The following SLC22A9 variants were observed in gnomAD, a reference collection of about 807,000 sequenced individuals.
SLC22A9 encodes organic anion transporter 7.
SLC22A9 carries 64 observed loss-of-function variants against 50.1 expected under a neutral mutation model. The observed-to-expected ratio is 1.28, with a 90% CI of 1.04 to 1.57. The LOEUF (loss-of-function observed/expected upper bound fraction) is 1.57, where lower values mean the gene tolerates loss of function less well. Ranked by LOEUF, SLC22A9 falls within the 40% of genes most tolerant of loss-of-function variation. The probability of loss-of-function intolerance (pLI) is 0.00; values close to 1 mark genes in which losing one functional copy is unlikely to be tolerated. For synonymous variants in SLC22A9, 261 were observed against 242.5 expected (o/e 1.08, Z -0.71); for missense variants, 757 against 676.1 (o/e 1.12, Z -1.33).
chr11:63,377,230 C>G (rs1261273966), intron 5 of SLC22A9, among the ~76,000 whole-genome samples: 1 of 152,056 alleles, frequency 6.6e-6, no homozygotes, highest in Non-Finnish European at 1.5e-5. Context: ...CTCCACCCAA[C>G]AACAGCAGAA....
chr11:63,405,480 A>G (rs989810819), intron 6 of SLC22A9, among the ~76,000 whole-genome samples: 3 of 152,144 alleles, frequency 2.0e-5, no homozygotes, highest in African/African-American at 7.2e-5. Context: ...CGTAATAAAA[A>G]CTATTGACTC....
chr11:63,404,073 T>C (rs1040534981), intron 6 of SLC22A9, among the ~76,000 whole-genome samples: 10 of 152,106 alleles, frequency 6.6e-5, no homozygotes, highest in African/African-American at 2.4e-5. Flanking sequence ...TTATTCACAA[T>C]TGCCAAGATA....
intron 2 of SLC22A9, among the ~76,000 whole-genome samples, chr11:63,373,133 T>TC (rs1284497292): frequency 6.9e-5 from 7 of 101,616 alleles, no homozygotes; most frequent in Non-Finnish European, 9.5e-5. Flanking sequence ...CTTTTTTTTT[T>TC]TCTTTTTTTT....
Position 63,410,238 on chromosome 11 carries a change from C to CAAAAAAAAAAAAAAAAAAAAAA in SLC22A9, c.*377_*398dup, listed in dbSNP as rs750361059. ...GCCTGGTGACAGAGCGAGACTGTCT[C>CAAAAAAAAAAAAAAAAAAAAAA]AAAAAAAAAAAAAAAAAAAAAAGAA... On this transcript the variant is annotated 3_prime_UTR_variant, in exon 10 of 10. Coordinates refer to ENST00000279178, the MANE Select transcript of SLC22A9 (RefSeq NM_080866.3). 24 of 34,370 alleles carry CAAAAAAAAAAAAAAAAAAAAAA rather than the reference C, an allele frequency of 7.0e-4. No homozygotes were observed. Among genetic ancestry groups the CAAAAAAAAAAAAAAAAAAAAAA allele is most frequent in the Non-Finnish European group, 9.9e-4 (19 of 19,236 alleles). 2.1% of individuals were successfully genotyped at this position (34,370 alleles called of 1,614,324 possible). A position where few individuals can be genotyped will look rare whatever the true frequency, so the allele number is the denominator to read the frequency against.
intron 6 of SLC22A9, among the ~76,000 whole-genome samples, chr11:63,385,114 T>G (rs1160571693): frequency 4.3e-5 from 6 of 139,384 alleles, no homozygotes; most frequent in East Asian, 3.9e-4. Context: ...CAGTTTTTTT[T>G]TTTTTTTTTT....
chr11:63,398,088 T>A (rs895006543), intron 6 of SLC22A9, among the ~76,000 whole-genome samples: 2 of 152,174 alleles, frequency 1.3e-5, no homozygotes, highest in Non-Finnish European at 2.9e-5. Flanking sequence ...CAAGGTTTTT[T>A]AGTCAGCAGG....
In SLC22A9 at chr11:63,371,164, G is replaced by A; in HGVS notation, c.432G>A (p.Leu144=). 2 of 1,613,340 alleles carry A rather than the reference G, an allele frequency of 1.2e-6. No homozygotes were observed. The highest frequency in any genetic ancestry group is 1.7e-6 in the Non-Finnish European group (2 of 1,179,506). Residue 144 remains leucine (L), a synonymous_variant, in exon 2 of 10, where the codon CTG becomes CTA. Coordinates refer to ENST00000279178, the MANE Select transcript of SLC22A9 (RefSeq NM_080866.3). ...EWDLVCDSQS[L]TSVAKFVFMA... ...ATCTGGTATGTGACTCTCAATCACT[G>A]ACTTCAGTGGCTAAATTTGTATTCA...
chr11:63,375,886 C>T, intron 5 of SLC22A9, 118 bp downstream of exon 5: 2 of 1,264,956 alleles, frequency 1.6e-6, no homozygotes, highest in East Asian at 2.5e-5. Context: ...TGGTTATGGG[C>T]TGTATCACCT....
At chr11:63,406,782 C>T (rs2015048467) in intron 7 of SLC22A9, 71 bp downstream of exon 7, 1 of 1,471,414 alleles carries the variant, frequency 6.8e-7, no homozygotes, top group Non-Finnish European at 9.2e-7. Flanking sequence ...CTTGTCACAC[C>T]TATCTGAAGC....
At position 63,408,177 on chromosome 11, in the gene SLC22A9, C is replaced by G. The variant is rs779579172; in HGVS notation, c.1354C>G (p.Leu452Val). The change falls in exon 8 of 10, where the codon CTT becomes GTT. Residue 452 changes from leucine (L) to valine (V), a missense_variant. Transcript: ENST00000279178. ...GLGASALANT[L>V]AFAHGNEVIP... ...AGGAGCGTCTGCTCTTGCCAATACC[C>G]TTGCTTTTGCCCATGGAAATGAAGT... 11 of 1,613,616 alleles carry G rather than the reference C, an allele frequency of 6.8e-6. No homozygotes were observed. Among genetic ancestry groups the G allele is most frequent in the African/African-American group, 1.3e-5 (1 of 74,904 alleles).
intron 6 of SLC22A9, among the ~76,000 whole-genome samples, chr11:63,383,010 C>A (rs552912660): frequency 2.0e-5 from 3 of 152,230 alleles, no homozygotes; most frequent in Admixed American, 2.0e-4. Context: ...CACATCTGGG[C>A]CTTTTGACAC....
chr11:63,374,012 C>T lies in SLC22A9; in HGVS notation c.780C>T (p.Ile260=), dbSNP rs775100570. 1 of 1,613,528 alleles carries T rather than the reference C, an allele frequency of 6.2e-7. No homozygotes were observed. The highest frequency in any genetic ancestry group is 2.2e-5 in the East Asian group (1 of 44,862). ...GLAFAIRDWH[I]LQLVVSVPYF... is the part of the protein sequence containing the mutation. Reference sequence around the variant, plus strand: ...CTTTTGCCATTCGAGACTGGCATATCCTCCAGCTGGTGGTGTCTGTACCAT... The same window carrying T: ...CTTTTGCCATTCGAGACTGGCATATTCTCCAGCTGGTGGTGTCTGTACCAT... The change falls in exon 4 of 10, where the codon ATC becomes ATT. Residue 260 remains isoleucine, a synonymous_variant. Coordinates refer to ENST00000279178, the MANE Select transcript of SLC22A9 (RefSeq NM_080866.3).
At chr11:63,383,622 T>A (rs1434743918) in intron 6 of SLC22A9, among the ~76,000 whole-genome samples, 1 of 151,706 alleles carries the variant, frequency 6.6e-6, no homozygotes, top group Admixed American at 6.6e-5. Flanking sequence ...TCAAAGAACA[T>A]GAAGAAACAG....
chr11:63,409,983 G>C lies in SLC22A9; in HGVS notation c.*121G>C. 1 of 1,072,770 alleles carries C rather than the reference G, an allele frequency of 9.3e-7. No homozygotes were observed. The highest frequency in any genetic ancestry group is 1.4e-6 in the Non-Finnish European group (1 of 731,520). 66.5% of individuals were successfully genotyped at this position (1,072,770 alleles called of 1,614,324 possible). A position where few individuals can be genotyped will look rare whatever the true frequency, so the allele number is the denominator to read the frequency against. On this transcript the variant is annotated 3_prime_UTR_variant, in exon 10 of 10. Coordinates refer to ENST00000279178, the MANE Select transcript of SLC22A9 (RefSeq NM_080866.3). ...AGGCTGGGTGCGGTGGCTCACGCCT[G>C]TAATCCCAGCACCTTGGGAGGCTGA...
chr11:63,395,488 C>A (rs1344162681), intron 6 of SLC22A9, among the ~76,000 whole-genome samples: 1 of 152,118 alleles, frequency 6.6e-6, no homozygotes, highest in African/African-American at 2.4e-5. Flanking sequence ...TGTTATCTTG[C>A]TTCTGGATCT....
chr11:63,398,970 T>C (rs2014908103), intron 6 of SLC22A9, among the ~76,000 whole-genome samples: 1 of 152,210 alleles, frequency 6.6e-6, no homozygotes. Context: ...TGCATCCTTA[T>C]TAAGGCAAAT....
At chr11:63,404,848 C>G (rs1011732611) in intron 6 of SLC22A9, among the ~76,000 whole-genome samples, 2 of 152,110 alleles carry the variant, frequency 1.3e-5, no homozygotes, top group African/African-American at 4.8e-5. Context: ...CACTGCAGTC[C>G]TAGGGAAAAC....
intron 6 of SLC22A9, among the ~76,000 whole-genome samples, chr11:63,395,028 A>G (rs961817161): frequency 1.5e-4 from 23 of 151,534 alleles, no homozygotes; most frequent in African/African-American, 5.1e-4. Flanking sequence ...GTTCAATTCT[A>G]TTGCTGAGGC....
At chr11:63,400,130 A>G (rs2014928100) in intron 6 of SLC22A9, among the ~76,000 whole-genome samples, 1 of 152,088 alleles carries the variant, frequency 6.6e-6, no homozygotes, top group Non-Finnish European at 1.5e-5. Flanking sequence ...GTAGAAATGC[A>G]ACAACAAATG....
Sources: gnomAD v4.1 joint callset for allele counts (sites outside exome capture counted in the v4.1 genomes callset) on GRCh38, gnomAD v4.1.1 for gene constraint, MANE v1.5 for transcripts, NCBI Gene and HGNC (gene_info 2026-07-23, HGNC 2026-07-21) for gene names.